AIG1: variants seen among roughly 807,000 people sequenced by gnomAD.
AIG1 encodes the protein androgen induced 1, also known as androgen-induced gene 1 protein.
A neutral mutation model predicts 31.4 loss-of-function variants in AIG1; 23 were observed. The observed-to-expected ratio is 0.73, with a 90% confidence interval of 0.53 to 1.04. The LOEUF (loss-of-function observed/expected upper bound fraction) is 1.04. AIG1 is among the 50% of genes least tolerant of loss of function. The pLI is 0.00. For synonymous variants in AIG1, 100 were observed against 110.5 expected (o/e 0.90, Z 0.60); for missense variants, 274 against 295.0 (o/e 0.93, Z 0.52).
intron 3 of AIG1, among the ~76,000 whole-genome samples, chr6:143,240,813 A>G (rs1039557071): frequency 1.3e-5 from 2 of 152,200 alleles, no homozygotes; most frequent in Admixed American, 1.3e-4. Flanking sequence ...AAATCCTTCA[A>G]GTGCTTACTC....
chr6:143,188,480 C>G, intron 3 of AIG1: 1 of 985,348 alleles, frequency 1.0e-6, no homozygotes, highest in Non-Finnish European at 1.2e-6. Context: ...ACTGGAAGGT[C>G]TCCTTCAGCT....
chr6:143,273,524 A>G (rs1425748278), intron 3 of AIG1, among the ~76,000 whole-genome samples: 1 of 152,150 alleles, frequency 6.6e-6, no homozygotes, highest in Non-Finnish European at 1.5e-5. Flanking sequence ...CTCACTCCCC[A>G]GAATGTTTCT....
chr6:143,286,842 C>A (rs1022450184), intron 4 of AIG1, among the ~76,000 whole-genome samples: 1 of 152,008 alleles, frequency 6.6e-6, no homozygotes, highest in Admixed American at 6.6e-5. Flanking sequence ...TGGCCCTCCG[C>A]ATCTGAATCT....
At chr6:143,250,746 A>T (rs1441448628) in intron 3 of AIG1, among the ~76,000 whole-genome samples, 1 of 152,194 alleles carries the variant, frequency 6.6e-6, no homozygotes, top group Non-Finnish European at 1.5e-5. Flanking sequence ...CCCATGGGCC[A>T]CTTGCGGCCC....
intron 3 of AIG1, among the ~76,000 whole-genome samples, chr6:143,244,478 C>T (rs1794470350): frequency 6.6e-6 from 1 of 152,164 alleles, no homozygotes; most frequent in African/African-American, 2.4e-5. Context: ...GAGATTATTC[C>T]AAGGGCTGCA....
At chr6:143,104,847 T>A (rs1780650260) in intron 1 of AIG1, among the ~76,000 whole-genome samples, 1 of 151,436 alleles carries the variant, frequency 6.6e-6, no homozygotes, top group Admixed American at 6.6e-5. Flanking sequence ...AAGACTTTGA[T>A]GTGATGCTGC....
chr6:143,203,879 G>C (rs895854809), intron 3 of AIG1, among the ~76,000 whole-genome samples: 7 of 152,164 alleles, frequency 4.6e-5, no homozygotes, highest in African/African-American at 1.7e-4. Context: ...CTTTAGAATG[G>C]AGGTTGTGAA....
intron 3 of AIG1, among the ~76,000 whole-genome samples, chr6:143,193,444 A>G (rs1360141849): frequency 1.3e-5 from 2 of 152,256 alleles, no homozygotes; most frequent in African/African-American, 4.8e-5. Context: ...GTGAGAATAT[A>G]TAGAAAAGAA....
intron 3 of AIG1, among the ~76,000 whole-genome samples, chr6:143,218,371 G>C (rs991545740): frequency 6.6e-6 from 1 of 151,766 alleles, no homozygotes; most frequent in Non-Finnish European, 1.5e-5. Context: ...AGCTAATCTG[G>C]GAAACACTTT....
downstream of AIG1, chr6:143,343,343 G>A: frequency 2.9e-5 from 17 of 594,778 alleles, no homozygotes; most frequent in South Asian, 2.2e-4. Context: ...GGCATGAAAT[G>A]AGGACTAATG....
At chr6:143,205,509 A>G (rs996659603) in intron 3 of AIG1, among the ~76,000 whole-genome samples, 1 of 152,164 alleles carries the variant, frequency 6.6e-6, no homozygotes, top group African/African-American at 2.4e-5. Context: ...CATTCTTTTC[A>G]CATTATATAT....
At chr6:143,245,070 G>C (rs1205234946) in intron 3 of AIG1, among the ~76,000 whole-genome samples, 3 of 152,156 alleles carry the variant, frequency 2.0e-5, no homozygotes, top group African/African-American at 7.2e-5. Flanking sequence ...TCTTTTAGTT[G>C]GAGAACGGTG....
At chr6:143,278,111 T>C (rs1797075581) in intron 3 of AIG1, among the ~76,000 whole-genome samples, 2 of 152,230 alleles carry the variant, frequency 1.3e-5, no homozygotes, top group Non-Finnish European at 2.9e-5. Flanking sequence ...CAGACCCTTC[T>C]TGTGTAGTGT....
chr6:143,129,529 G>A (rs1326321305), intron 1 of AIG1, among the ~76,000 whole-genome samples: 3 of 152,146 alleles, frequency 2.0e-5, no homozygotes. Flanking sequence ...ATCAACTGTA[G>A]AAAAGTATAA....
intron 1 of AIG1, among the ~76,000 whole-genome samples, chr6:143,120,116 C>T (rs528219592): frequency 6.6e-6 from 1 of 152,094 alleles, no homozygotes; most frequent in African/African-American, 2.4e-5. Context: ...GTATTTTTAG[C>T]AGAGATGGGG....
At chr6:143,275,303 G>C (rs1181682118) in intron 3 of AIG1, among the ~76,000 whole-genome samples, 1 of 152,152 alleles carries the variant, frequency 6.6e-6, no homozygotes, top group East Asian at 1.9e-4. Context: ...GGAGCGACTT[G>C]ACAGATAAAT....
At chr6:143,225,506 G>A (rs777471725) in intron 3 of AIG1, among the ~76,000 whole-genome samples, 3 of 152,134 alleles carry the variant, frequency 2.0e-5, no homozygotes, top group Non-Finnish European at 4.4e-5. Flanking sequence ...CATAAGGCAG[G>A]TATTCTTATT....
chr6:143,183,251 G>A (rs181175461), intron 3 of AIG1, among the ~76,000 whole-genome samples: 2 of 148,944 alleles, frequency 1.3e-5, no homozygotes, highest in Non-Finnish European at 3.0e-5. Flanking sequence ...GCTGGAGTGC[G>A]ATGGCGCAAT....
chr6:143,285,536 G>A (rs537300307), intron 4 of AIG1, among the ~76,000 whole-genome samples: 58 of 151,640 alleles, frequency 3.8e-4, no homozygotes, highest in South Asian at 6.3e-4. Flanking sequence ...GGTGGTGGGC[G>A]CCTGTAATCC....
Sources: allele counts gnomAD v4.1 joint callset (sites outside exome capture counted in the v4.1 genomes callset), GRCh38; gene constraint gnomAD v4.1.1; transcripts MANE v1.5; gene names NCBI Gene and HGNC (gene_info 2026-07-23, HGNC 2026-07-21).